The following BBS10 variants were observed in gnomAD, a reference collection of about 807,000 sequenced individuals.
The protein encoded by BBS10 is BBSome complex assembly protein BBS10.
In BBS10, 13 loss-of-function variants were observed where a neutral mutation model predicts 12.7. The ratio of observed to expected loss-of-function variants is 1.03; its 90% CI spans 0.67 to 1.63. BBS10 has a LOEUF of 1.63. BBS10 is among the 40% of genes most tolerant of loss of function. The probability of loss-of-function intolerance (pLI) is 0.00; values close to 1 mark genes in which losing one functional copy is unlikely to be tolerated. For missense variants in BBS10, 858 were observed against 858.0 expected (o/e 1.00, Z 0.00); for synonymous variants, 294 against 304.8 (o/e 0.96, Z 0.37).
rs745860265 is a variant in BBS10, at chr12:76,346,519, A to T, written c.1466T>A (p.Val489Glu). 1.1e-5 allele frequency: 18 copies of T among 1,614,104 alleles called. No individual in the cohort carries two copies. Among genetic ancestry groups the T allele is most frequent in the South Asian group, 9.9e-5 (9 of 91,084 alleles). The change falls in exon 2 of 2, where the codon GTA becomes GAA. Residue 489 changes from valine to glutamate, a missense_variant. Transcript: ENST00000650064. ...ALEKTQTYLK[V>E]HSNLVIPDVE... is the part of the protein sequence containing the mutation. ...ATCTGGAATTACCAAATTAGAATGTACTTTTAAATATGTTTGAGTTTTTTC... is the reference window on the plus strand; with the variant it reads ...ATCTGGAATTACCAAATTAGAATGTTCTTTTAAATATGTTTGAGTTTTTTC...
Position 76,345,006 on chromosome 12 carries a change from C to T in BBS10, c.*807G>A, listed in dbSNP as rs1402234523. On this transcript the variant is annotated 3_prime_UTR_variant, in exon 2 of 2. Transcript: ENST00000650064. Reference sequence around the variant, plus strand: ...ATTATTTGTTACTGTGGAACTCTGGCTATGCACCAGATACAAGAAAAACCA... The same window carrying T: ...ATTATTTGTTACTGTGGAACTCTGGTTATGCACCAGATACAAGAAAAACCA... The T allele has an allele frequency of 1.3e-5, 2 of 152,132 alleles. No individual in the cohort carries two copies. Among genetic ancestry groups the T allele is most frequent in the Admixed American group, 1.3e-4 (2 of 15,276 alleles). The allele number at this position is 152,132 out of a possible 1,614,324, so 9.4% of individuals were successfully genotyped here. A position where few individuals can be genotyped will look rare whatever the true frequency, so the allele number is the denominator to read the frequency against.
rs376613074 is a variant in BBS10 at position 76,346,011 on chromosome 12, A to G, written c.1974T>C (p.Tyr658=). 23 of 1,613,886 alleles carry G rather than the reference A, an allele frequency of 1.4e-5. No individual in the cohort carries two copies. The highest frequency in any genetic ancestry group is 1.9e-5 in the Non-Finnish European group (22 of 1,179,938). The change falls in exon 2 of 2, where the codon TAT becomes TAC. Residue 658 remains tyrosine (Y), a synonymous_variant. Coordinates refer to ENST00000650064, the MANE Select transcript of BBS10 (RefSeq NM_024685.4). The part of the protein sequence containing the change: ...KTGKYSFPHT[Y]IRAVHALQTN... ...TTTGCAGTGCATGGACAGCTCTTATATATGTATGTGGAAAGCTGTACTTTC... is the reference window on the plus strand; with the variant it reads ...TTTGCAGTGCATGGACAGCTCTTATGTATGTATGTGGAAAGCTGTACTTTC...
Position 76,346,720 on chromosome 12 carries a change from C to T in BBS10, c.1265G>A (p.Arg422Gln), listed in dbSNP as rs138961848. The T allele has an allele frequency of 1.7e-4, 281 of 1,613,908 alleles. 1 individual carries two copies. In the South Asian group the frequency reaches 1.7e-3, roughly 10 times the overall value. ...DALHGALKML[R>Q]QLFKDLDLNY... Reference sequence around the variant, plus strand: ...TAGATCAAGGTCTTTAAATAATTGCCGAAGCATTTTAAGTGCTCCATGTAA... The same window carrying T: ...TAGATCAAGGTCTTTAAATAATTGCTGAAGCATTTTAAGTGCTCCATGTAA... The change falls in exon 2 of 2, where the codon CGG becomes CAG. Residue 422 changes from arginine (R) to glutamine (Q), a missense_variant. Arg to Gln is a conservative substitution (Grantham distance 43, BLOSUM62 1). Transcript: ENST00000650064.
Position 76,348,370 on chromosome 12 carries a change from T to G in BBS10, c.-12A>C. ...ATAGAACTTAACATATCTGGGCCGC[T>G]TCCCCTTTTTGACCAGCTTGCAGAA... is the stretch of plus-strand genomic sequence containing the variant. On this transcript the variant is annotated 5_prime_UTR_variant, in exon 1 of 2. Transcript: ENST00000650064. The G allele has an allele frequency of 6.4e-7, 1 of 1,566,638 alleles. No individual in the cohort carries two copies. The highest frequency in any genetic ancestry group is 8.7e-7 in the Non-Finnish European group (1 of 1,156,050).
chr12:76,348,381 G>A lies in BBS10; in HGVS notation c.-23C>T. ...CATATCTGGGCCGCTTCCCCTTTTT[G>A]ACCAGCTTGCAGAACACCCGGGCCG... On this transcript the variant is annotated 5_prime_UTR_variant, in exon 1 of 2. Transcript: ENST00000650064. The A allele has an allele frequency of 6.4e-7, 1 of 1,557,378 alleles. No individual in the cohort carries two copies. The highest frequency in any genetic ancestry group is 1.9e-5 in the Admixed American group (1 of 51,954).
intron 1 of BBS10, 66 bp downstream of exon 1, chr12:76,348,096 G>C (rs1341814684): frequency 2.0e-6 from 3 of 1,524,524 alleles, no homozygotes; most frequent in Middle Eastern, 3.5e-4. Context: ...CCTCAGGATG[G>C]GACAAGAGCT....
In BBS10 at chr12:76,348,401, G is replaced by T. The variant is rs755157515; in HGVS notation, c.-43C>A. ...TTTTTGACCAGCTTGCAGAACACCC[G>T]GGCCGACCGAAAACAGGGGTGGGAA... On this transcript the variant is annotated 5_prime_UTR_variant, in exon 1 of 2. Coordinates refer to ENST00000650064, the MANE Select transcript of BBS10 (RefSeq NM_024685.4). 5.8e-6 allele frequency: 9 copies of T among 1,544,906 alleles called. No individual in the cohort carries two copies. Among genetic ancestry groups the T allele is most frequent in the Non-Finnish European group, 8.7e-7 (1 of 1,147,082 alleles).
At position 76,346,135 on chromosome 12, in the gene BBS10, T is replaced by C. The variant is rs749876979; in HGVS notation, c.1850A>G (p.Tyr617Cys). Residue 617 changes from tyrosine to cysteine, a missense_variant, in exon 2 of 2, where the codon TAT (tyrosine) becomes TGT (cysteine). Tyr to Cys is a radical substitution (Grantham distance 194, BLOSUM62 -2). Coordinates refer to ENST00000650064, the MANE Select transcript of BBS10 (RefSeq NM_024685.4). ...EILLHYYLLNYAKKCHQSEET... is the reference protein window; with the variant it reads ...EILLHYYLLNCAKKCHQSEET... Reference sequence around the variant, plus strand: ...TTCTGATTGATGGCATTTTTTGGCATAATTGAGAAGATAGTAATGTAACAA... The same window carrying C: ...TTCTGATTGATGGCATTTTTTGGCACAATTGAGAAGATAGTAATGTAACAA... 3 of 1,609,414 alleles carry C rather than the reference T, an allele frequency of 1.9e-6. No homozygotes were observed. The highest frequency in any genetic ancestry group is 1.7e-5 in the Admixed American group (1 of 59,382).
In BBS10 at chr12:76,346,549, GC is replaced by G. The variant is rs1565809617; in HGVS notation, c.1435del (p.Ala479HisfsTer9). The G allele has an allele frequency of 6.2e-7, 1 of 1,614,052 alleles. No individual in the cohort carries two copies. The highest frequency in any genetic ancestry group is 8.5e-7 in the Non-Finnish European group (1 of 1,179,970). ...YQDTVAENKD[A>X]LEKTQTYLKV... ...TAAATATGTTTGAGTTTTTTCCAAT[GC>G]ATCTTTGTTCTCTGCAACTGTGTCC... On this transcript the variant is annotated frameshift_variant, in exon 2 of 2. Transcript: ENST00000650064. LOFTEE classifies it low-confidence loss of function (END_TRUNC).
chr12:76,346,954 C>T lies in BBS10; in HGVS notation c.1031G>A (p.Arg344Lys). The T allele has an allele frequency of 6.2e-7, 1 of 1,610,918 alleles. No individual in the cohort carries two copies. The highest frequency in any genetic ancestry group is 8.5e-7 in the Non-Finnish European group (1 of 1,179,996). The change falls in exon 2 of 2, where the codon AGG becomes AAG. Residue 344 changes from arginine to lysine, a missense_variant. By Grantham distance (26) the Arg-to-Lys change is conservative (BLOSUM62 2). Transcript: ENST00000650064. ...TACAAATGGAGAAAGACCAATGATC[C>T]TCCGGATAAGAGAAACTTCTTCTGA... Reference protein sequence around the residue: ...LSSEEVSLIRRIIGLSPFVPP... With the variant: ...LSSEEVSLIRKIIGLSPFVPP...
chr12:76,346,479 T>C lies in BBS10; in HGVS notation c.1506A>G (p.Thr502=), dbSNP rs201022680. ...GTGTGGGGGTTGAATACGGAATATA[T>C]GTTTCTAATTCTACATCTGGAATTA... ...NLVIPDVELE[T]YIPYSTPTLT... Residue 502 remains threonine, a synonymous_variant, in exon 2 of 2, where the codon ACA becomes ACG. Transcript: ENST00000650064. 14 of 1,613,994 alleles carry C rather than the reference T, an allele frequency of 8.7e-6. No individual in the cohort carries two copies. Among genetic ancestry groups the C allele is most frequent in the Non-Finnish European group, 1.2e-5 (14 of 1,179,956 alleles).
In BBS10 at chr12:76,345,707, G is replaced by T; in HGVS notation, c.*106C>A. 1 of 1,004,036 alleles carries T rather than the reference G, an allele frequency of 1.0e-6. No individual in the cohort carries two copies. The highest frequency in any genetic ancestry group is 1.5e-6 in the Non-Finnish European group (1 of 653,072). 62.2% of individuals were successfully genotyped at this position (1,004,036 alleles called of 1,614,324 possible). ...TTCTTCTAAAGACTTTTAAAGTTAC[G>T]CTATTTTCCTAAGTAGACTGAACTG... On this transcript the variant is annotated 3_prime_UTR_variant, in exon 2 of 2. Coordinates refer to ENST00000650064, the MANE Select transcript of BBS10 (RefSeq NM_024685.4).
At position 76,345,802 on chromosome 12, in the gene BBS10, A is replaced by G; in HGVS notation, c.*11T>C. ...TAGATGAAAAGTTTGGTTAATTAAA[A>G]ACTTCTGATGTTATAGTTCATCTTC... On this transcript the variant is annotated 3_prime_UTR_variant, in exon 2 of 2. Transcript: ENST00000650064. 6.2e-7 allele frequency: 1 copy of G among 1,611,236 alleles called. No individual in the cohort carries two copies. Among genetic ancestry groups the G allele is most frequent in the South Asian group, 1.1e-5 (1 of 90,804 alleles).
chr12:76,347,095 A>C lies in BBS10; in HGVS notation c.890T>G (p.Ile297Arg). 6.2e-7 allele frequency: 1 copy of C among 1,612,874 alleles called. No homozygotes were observed. Among genetic ancestry groups the C allele is most frequent in the African/African-American group, 1.3e-5 (1 of 75,048 alleles). ...QFWIMEKTKA[I>R]MKHLHSQNVK... ...ATTCTGACTATGTAGATGTTTCATT[A>C]TTGCTTTTGTCTTTTCCATAATCCA... is the stretch of plus-strand genomic sequence containing the variant. Residue 297 changes from isoleucine (I) to arginine (R), a missense_variant, in exon 2 of 2, where the codon ATA becomes AGA. Ile to Arg is a moderately conservative substitution (Grantham distance 97, BLOSUM62 -3). Coordinates refer to ENST00000650064, the MANE Select transcript of BBS10 (RefSeq NM_024685.4).
chr12:76,345,740 A>T lies in BBS10; in HGVS notation c.*73T>A, dbSNP rs1951752413. 5.8e-6 allele frequency: 8 copies of T among 1,373,276 alleles called. No homozygotes were observed. In the East Asian group the frequency reaches 1.9e-4, roughly 32 times the overall value. The allele number at this position is 1,373,276 out of a possible 1,614,324, so 85.1% of individuals were successfully genotyped here. ...CCTAAGTAGACTGAACTGACTTTAG[A>T]ACCAGTGGTCACATGACTGCTTTAC... On this transcript the variant is annotated 3_prime_UTR_variant, in exon 2 of 2. Transcript: ENST00000650064.
chr12:76,346,921 T>C lies in BBS10; in HGVS notation c.1064A>G (p.Gln355Arg). 6.2e-7 allele frequency: 1 copy of C among 1,612,180 alleles called. No homozygotes were observed. The highest frequency in any genetic ancestry group is 8.5e-7 in the Non-Finnish European group (1 of 1,180,018). Residue 355 changes from glutamine to arginine, a missense_variant, in exon 2 of 2, where the codon CAG becomes CGG. By Grantham distance (43) the Gln-to-Arg change is conservative. Transcript: ENST00000650064. ...AGGTATTTCACACTGCGAAAAGGCCTGTGGTGGTACAAATGGAGAAAGACC... is the reference window on the plus strand; with the variant it reads ...AGGTATTTCACACTGCGAAAAGGCCCGTGGTGGTACAAATGGAGAAAGACC... ...IIGLSPFVPP[Q>R]AFSQCEIPNT...
rs1951761705 is a variant in BBS10, at chr12:76,346,719, C to T, written c.1266G>A (p.Arg422=). 1 of 1,613,944 alleles carries T rather than the reference C, an allele frequency of 6.2e-7. No homozygotes were observed. Among genetic ancestry groups the T allele is most frequent in the African/African-American group, 1.3e-5 (1 of 74,882 alleles). Residue 422 remains arginine, a synonymous_variant, in exon 2 of 2, where the codon CGG becomes CGA. Transcript: ENST00000650064. ...DALHGALKML[R]QLFKDLDLNY... ...TTAGATCAAGGTCTTTAAATAATTG[C>T]CGAAGCATTTTAAGTGCTCCATGTA...
chr12:76,347,561 C>G lies in BBS10; in HGVS notation c.424G>C (p.Asp142His), dbSNP rs142863601. 2 of 1,613,642 alleles carry G rather than the reference C, an allele frequency of 1.2e-6. No homozygotes were observed. Among genetic ancestry groups the G allele is most frequent in the Non-Finnish European group, 1.7e-6 (2 of 1,179,972 alleles). ...ALLTFQTQIL[D>H]GIMDQYLSRH... ...CTTAGGTACTGGTCCATAATACCGT[C>G]TAATATTTGTGTCTGAAACGTTAGG... is the stretch of plus-strand genomic sequence containing the variant. The change falls in exon 2 of 2, where the codon GAC becomes CAC. Residue 142 changes from aspartate (D) to histidine (H), a missense_variant. By Grantham distance (81) the Asp-to-His change is moderately conservative. Transcript: ENST00000650064.
rs776890490 is a variant in BBS10, at chr12:76,347,581, G to T, written c.404C>A (p.Thr135Lys). Residue 135 changes from threonine to lysine, a missense_variant, in exon 2 of 2, where the codon ACG becomes AAG. By Grantham distance (78) the Thr-to-Lys change is moderately conservative. Transcript: ENST00000650064. ...ACCGTCTAATATTTGTGTCTGAAAC[G>T]TTAGGAGAGCCTGGGAAATAAATTT... ...RWKFISQALLTFQTQILDGIM... is the reference protein window; with the variant it reads ...RWKFISQALLKFQTQILDGIM... 3 of 1,613,464 alleles carry T rather than the reference G, an allele frequency of 1.9e-6. No individual in the cohort carries two copies. The highest frequency in any genetic ancestry group is 1.7e-5 in the Admixed American group (1 of 59,982).
Sources: gnomAD v4.1 joint callset for allele counts on GRCh38, gnomAD v4.1.1 for gene constraint, MANE v1.5 for transcripts, NCBI Gene and HGNC (gene_info 2026-07-23, HGNC 2026-07-21) for gene names.